The following ASF1B variants were observed in gnomAD, a reference collection of about 807,000 sequenced individuals.
The protein encoded by ASF1B is histone chaperone ASF1B.
ASF1B carries 10 observed loss-of-function variants against 16.6 expected under a neutral mutation model. The observed-to-expected ratio is 0.60, with a 90% CI of 0.37 to 1.02. The LOEUF is 1.02. Among genes scored for constraint, ASF1B ranks in the 50% least tolerant of loss-of-function variants. The pLI is 0.01. For synonymous variants in ASF1B, 101 were observed against 106.2 expected, an observed-to-expected ratio of 0.95 and a Z score of 0.30; for missense variants, 240 against 266.0, an observed-to-expected ratio of 0.90 and a Z score of 0.68.
At chr19:14,130,505 TAA>T (rs201790325) in intron 1 of ASF1B, among the ~76,000 whole-genome samples, 30 of 137,958 alleles carry the variant, frequency 2.2e-4, no homozygotes, top group African/African-American at 2.7e-4. Flanking sequence ...CCTATCTCTT[TAA>T]AAAAAAAAAA....
chr19:14,136,364 A>C lies in ASF1B; in HGVS notation c.93T>G (p.Ser31Arg), dbSNP rs1181928353. The change falls in exon 1 of 4, where the codon AGT (serine) becomes AGG (arginine). Residue 31 changes from serine (S) to arginine (R), a missense_variant. By Grantham distance (110) the Ser-to-Arg change is moderately radical. Coordinates refer to ENST00000263382, the MANE Select transcript of ASF1B (RefSeq NM_018154.3). ...CAGCCTCACCGTCCGCCAGGGCTTCACTGCACTCGAAGCTGATCTCGAACC... is the reference window on the plus strand; with the variant it reads ...CAGCCTCACCGTCCGCCAGGGCTTCCCTGCACTCGAAGCTGATCTCGAACC... The part of the protein sequence containing the change: ...PFRFEISFEC[S>R]EALADDLEWK... 1.2e-6 allele frequency: 2 copies of C among 1,613,052 alleles called. No individual in the cohort carries two copies. Among genetic ancestry groups the C allele is most frequent in the Non-Finnish European group, 1.7e-6 (2 of 1,179,370 alleles).
intron 1 of ASF1B, among the ~76,000 whole-genome samples, chr19:14,133,062 A>G (rs900840602): frequency 2.0e-5 from 3 of 150,208 alleles, no homozygotes; most frequent in Non-Finnish European, 4.4e-5. Context: ...GGAGCTTGCA[A>G]TGAGCCATGA....
At chr19:14,130,514 A>G (rs1010079149) in intron 1 of ASF1B, among the ~76,000 whole-genome samples, 3 of 151,928 alleles carry the variant, frequency 2.0e-5, no homozygotes, top group African/African-American at 7.3e-5. Flanking sequence ...TTAAAAAAAA[A>G]AAAAAAAATC....
intron 3 of ASF1B, among the ~76,000 whole-genome samples, chr19:14,121,127 C>CTT (rs200174297): frequency 6.9e-6 from 1 of 145,284 alleles, no homozygotes; most frequent in Non-Finnish European, 1.5e-5. Context: ...TGGCCCAGGA[C>CTT]TTTTTTTTTT....
intron 1 of ASF1B, among the ~76,000 whole-genome samples, chr19:14,129,997 T>C (rs1448204512): frequency 6.6e-6 from 1 of 151,206 alleles, no homozygotes; most frequent in Non-Finnish European, 1.5e-5. Context: ...AGAGTGAGAC[T>C]CCATCTCTAC....
At chr19:14,121,326 T>A in intron 3 of ASF1B, 1 of 500,168 alleles carries the variant, frequency 2.0e-6, no homozygotes, top group South Asian at 4.3e-5. Flanking sequence ...TCTCACTATG[T>A]TGCCCAGGCT....
At chr19:14,124,314 C>T (rs571252464) in intron 2 of ASF1B, among the ~76,000 whole-genome samples, 2 of 152,152 alleles carry the variant, frequency 1.3e-5, no homozygotes, top group Admixed American at 6.5e-5. Context: ...CCACCACACC[C>T]GGCTAATTTT....
At chr19:14,123,596 G>A (rs962974309) in intron 2 of ASF1B, among the ~76,000 whole-genome samples, 3 of 151,668 alleles carry the variant, frequency 2.0e-5, no homozygotes, top group African/African-American at 4.8e-5. Flanking sequence ...TAGCCAAGAT[G>A]GTCTCAATCT....
intron 1 of ASF1B, among the ~76,000 whole-genome samples, chr19:14,129,903 G>A (rs1268537293): frequency 1.3e-5 from 2 of 150,938 alleles, no homozygotes. Flanking sequence ...CAGGCGTGGT[G>A]GCATGCCCCT....
At chr19:14,123,160 C>A (rs1568543647) in intron 2 of ASF1B, among the ~76,000 whole-genome samples, 1 of 152,130 alleles carries the variant, frequency 6.6e-6, no homozygotes, top group Non-Finnish European at 1.5e-5. Flanking sequence ...GGGTCCTGTG[C>A]AGCTGCCTGG....
At chr19:14,135,394 T>C (rs1056147936) in intron 1 of ASF1B, among the ~76,000 whole-genome samples, 1 of 150,628 alleles carries the variant, frequency 6.6e-6, no homozygotes, top group Non-Finnish European at 1.5e-5. Context: ...CAGAGAAAGG[T>C]GGGGAAGGGG....
intron 2 of ASF1B, among the ~76,000 whole-genome samples, chr19:14,122,713 C>T (rs546392715): frequency 6.6e-6 from 1 of 152,246 alleles, no homozygotes; most frequent in Non-Finnish European, 1.5e-5. Context: ...GACTACAAAA[C>T]GTTGACTGTG....
At chr19:14,134,300 C>T (rs938088720) in intron 1 of ASF1B, among the ~76,000 whole-genome samples, 2 of 152,044 alleles carry the variant, frequency 1.3e-5, no homozygotes, top group Admixed American at 6.6e-5. Context: ...GGATTTAACT[C>T]GGCATATTCT....
At chr19:14,129,879 T>C (rs562161773) in intron 1 of ASF1B, among the ~76,000 whole-genome samples, 6 of 149,678 alleles carry the variant, frequency 4.0e-5, no homozygotes, top group Middle Eastern at 3.5e-3. Flanking sequence ...ATACAAAAAA[T>C]ACAAAAAATT....
At chr19:14,132,930 G>A (rs1005425978) in intron 1 of ASF1B, among the ~76,000 whole-genome samples, 2 of 151,716 alleles carry the variant, frequency 1.3e-5, no homozygotes, top group African/African-American at 4.8e-5. Context: ...ACCATCCTGG[G>A]TAACACAGTG....
chr19:14,129,708 AAAG>A (rs1306555950), intron 1 of ASF1B, among the ~76,000 whole-genome samples: 11 of 137,658 alleles, frequency 8.0e-5, no homozygotes, highest in South Asian at 2.3e-4. Flanking sequence ...AAAAAAAAAA[AAAG>A]AAGAAAGAAG....
Position 14,120,520 on chromosome 19 carries a change from C to G in ASF1B, c.548G>C (p.Gly183Ala). Residue 183 changes from glycine to alanine, a missense_variant, in exon 4 of 4, where the codon GGC (glycine) becomes GCC (alanine). Physicochemically the swap from Gly to Ala is moderately conservative, Grantham distance 60. Transcript: ENST00000263382. ...GLPLNCTPIK[G>A]LGLPGCIPGL... ...AGGGATGCAGCCAGGGAGCCCCAAG[C>G]CCTTGATAGGAGTGCAGTTGAGTGG... 1 of 1,613,358 alleles carries G rather than the reference C, an allele frequency of 6.2e-7. No individual in the cohort carries two copies. The highest frequency in any genetic ancestry group is 8.5e-7 in the Non-Finnish European group (1 of 1,179,608).
At chr19:14,129,416 C>T (rs1967364485) in intron 1 of ASF1B, among the ~76,000 whole-genome samples, 1 of 152,090 alleles carries the variant, frequency 6.6e-6, no homozygotes, top group African/African-American at 2.4e-5. Flanking sequence ...GCAGCTCACA[C>T]CTGTAATCCT....
intron 2 of ASF1B, among the ~76,000 whole-genome samples, chr19:14,124,915 G>A (rs1967295767): frequency 6.6e-6 from 1 of 152,188 alleles, no homozygotes; most frequent in South Asian, 2.1e-4. Flanking sequence ...GAGTTATAGT[G>A]CTGTTGGCTG....
Sources: gnomAD v4.1 joint callset for allele counts (sites outside exome capture counted in the v4.1 genomes callset) on GRCh38, gnomAD v4.1.1 for gene constraint, MANE v1.5 for transcripts, NCBI Gene and HGNC (gene_info 2026-07-23, HGNC 2026-07-21) for gene names.